PCDH11X: variants seen among roughly 807,000 people sequenced by gnomAD.
PCDH11X encodes protocadherin-11 X-linked.
A neutral mutation model predicts 53.3 loss-of-function variants in PCDH11X; 18 were observed. The ratio of observed to expected loss-of-function variants is 0.34; its 90% CI spans 0.23 to 0.50. PCDH11X has a LOEUF of 0.50. PCDH11X is among the 20% of genes least tolerant of loss of function. The pLI is 0.98. For synonymous variants in PCDH11X, 279 were observed against 393.3 expected, an observed-to-expected ratio of 0.71 and a Z score of 3.44; for missense variants, 570 against 1,032.4, an observed-to-expected ratio of 0.55 and a Z score of 6.14.
intron 1 of PCDH11X, among the ~76,000 whole-genome samples, chrX:91,809,191 C>A (rs2524861): frequency 2.7e-5 from 3 of 111,392 alleles, no homozygotes; most frequent in Non-Finnish European, 5.7e-5. Context: ...TACCCACATT[C>A]CAGATTAAAC....
intron 6 of PCDH11X, among the ~76,000 whole-genome samples, chrX:91,930,227 G>A (rs1391836301): frequency 9.2e-6 from 1 of 108,119 alleles, no homozygotes; most frequent in Non-Finnish European, 1.9e-5. Context: ...AAAAAAATTG[G>A]TAGTAATAGG....
At chrX:92,212,068 G>T (rs1238900315) in intron 7 of PCDH11X, among the ~76,000 whole-genome samples, 2 of 98,409 alleles carry the variant, frequency 2.0e-5, no homozygotes, top group African/African-American at 7.8e-5. Context: ...CTGGAGTGCA[G>T]TGGTGCAATC....
chrX:92,356,595 A>T (rs1329630619), intron 8 of PCDH11X, among the ~76,000 whole-genome samples: 1 of 76,846 alleles, frequency 1.3e-5, no homozygotes, highest in African/African-American at 4.7e-5. Flanking sequence ...TGTGGGTGGG[A>T]CTGCCTCTTA....
intron 9 of PCDH11X, among the ~76,000 whole-genome samples, chrX:92,417,782 A>G (rs1408843594): frequency 9.7e-6 from 1 of 102,714 alleles, no homozygotes; most frequent in Non-Finnish European, 2.0e-5. Flanking sequence ...TTTGGTTTAT[A>G]GCCGTGGTCA....
chrX:91,811,452 G>A (rs1363212372), intron 4 of PCDH11X, among the ~76,000 whole-genome samples, 157 bp downstream of exon 4: 1 of 109,169 alleles, frequency 9.2e-6, no homozygotes, highest in Non-Finnish European at 1.9e-5. Flanking sequence ...GAGATTGGAT[G>A]AGAGGAAGGG....
chrX:92,315,861 T>C (rs1177777523), intron 8 of PCDH11X, among the ~76,000 whole-genome samples: 1 of 108,702 alleles, frequency 9.2e-6, no homozygotes, highest in Non-Finnish European at 1.9e-5. Flanking sequence ...TAGAGCATTG[T>C]TCTTCACTTA....
intron 6 of PCDH11X, among the ~76,000 whole-genome samples, chrX:92,008,948 G>A (rs2062645391): frequency 9.0e-6 from 1 of 111,632 alleles, no homozygotes; most frequent in African/African-American, 3.2e-5. Context: ...GGTAACCTTT[G>A]ATGCTTAGGC....
chrX:91,968,985 C>G (rs1428384769), intron 6 of PCDH11X, among the ~76,000 whole-genome samples: 4 of 111,189 alleles, frequency 3.6e-5, no homozygotes, highest in African/African-American at 1.3e-4. Context: ...AATGAAGTTT[C>G]ACATCCTAAT....
At chrX:92,255,118 T>G (rs1324079825) in intron 7 of PCDH11X, among the ~76,000 whole-genome samples, 1 of 105,906 alleles carries the variant, frequency 9.4e-6, no homozygotes, top group East Asian at 2.9e-4. Context: ...AGTCCCATAT[T>G]TCTTGGAGGC....
intron 6 of PCDH11X, among the ~76,000 whole-genome samples, chrX:91,898,524 A>G (rs1451214822): frequency 9.2e-6 from 1 of 109,215 alleles, no homozygotes; most frequent in Non-Finnish European, 1.9e-5. Flanking sequence ...TAGCTGATAT[A>G]AAGTTTTGTC....
chrX:92,160,185 G>A (rs1311515074), intron 6 of PCDH11X, among the ~76,000 whole-genome samples: 2 of 106,837 alleles, frequency 1.9e-5, no homozygotes, highest in African/African-American at 7.0e-5. Flanking sequence ...TAGGTTATTA[G>A]AAATAACCAG....
chrX:92,332,767 G>C (rs2069524971), intron 8 of PCDH11X, among the ~76,000 whole-genome samples: 1 of 111,824 alleles, frequency 8.9e-6, no homozygotes, highest in African/African-American at 3.2e-5. Context: ...CAGCAGCAGT[G>C]CAGGGAACTG....
At chrX:92,186,526 G>T (rs937142049) in intron 6 of PCDH11X, among the ~76,000 whole-genome samples, 1 of 109,209 alleles carries the variant, frequency 9.2e-6, no homozygotes, top group African/African-American at 3.3e-5. Flanking sequence ...TACTCAAGAG[G>T]CTGAGGCAGA....
At chrX:91,934,014 G>T (rs1375650785) in intron 6 of PCDH11X, among the ~76,000 whole-genome samples, 3 of 111,155 alleles carry the variant, frequency 2.7e-5, no homozygotes, top group African/African-American at 9.8e-5. Context: ...TGTGGTTAAG[G>T]ATATGTCTCC....
intron 6 of PCDH11X, among the ~76,000 whole-genome samples, chrX:92,154,180 G>C (rs2065487356): frequency 9.0e-6 from 1 of 111,003 alleles, no homozygotes; most frequent in Non-Finnish European, 1.9e-5. Flanking sequence ...GAGGGCATTT[G>C]ACCATCAGTT....
intron 10 of PCDH11X, among the ~76,000 whole-genome samples, chrX:92,474,158 A>T (rs941882914): frequency 9.0e-6 from 1 of 110,959 alleles, no homozygotes; most frequent in Non-Finnish European, 1.9e-5. Flanking sequence ...ATATATTTAC[A>T]ATTGTTATAT....
At chrX:91,922,860 A>C (rs777931852) in intron 6 of PCDH11X, among the ~76,000 whole-genome samples, 149 of 110,979 alleles carry the variant, frequency 1.3e-3, no homozygotes, top group Non-Finnish European at 2.1e-3. Flanking sequence ...CTTTTGCAGC[A>C]TATAACCAAC....
At chrX:91,966,400 C>T (rs992992733) in intron 6 of PCDH11X, among the ~76,000 whole-genome samples, 6 of 107,995 alleles carry the variant, frequency 5.6e-5, no homozygotes, top group Middle Eastern at 8.5e-3. Flanking sequence ...ATGTGTTATT[C>T]AACTAAAGAA....
At chrX:91,911,639 G>A (rs889991789) in intron 6 of PCDH11X, among the ~76,000 whole-genome samples, 1 of 110,073 alleles carries the variant, frequency 9.1e-6, no homozygotes, top group African/African-American at 3.3e-5. Flanking sequence ...TCCAGCCTCT[G>A]GTAACCATTC....
Sources: allele counts gnomAD v4.1 joint callset (sites outside exome capture counted in the v4.1 genomes callset), GRCh38; gene constraint gnomAD v4.1.1; transcripts MANE v1.5; gene names NCBI Gene and HGNC (gene_info 2026-07-23, HGNC 2026-07-21).